The following SLC2A13 variants were observed in gnomAD, a reference collection of about 807,000 sequenced individuals.
The protein encoded by SLC2A13 is solute carrier family 2 member 13.
SLC2A13 carries 32 observed loss-of-function variants against 64.4 expected under a neutral mutation model. That is an observed-to-expected ratio of 0.50 (90% CI 0.37 to 0.67). The LOEUF is 0.67. SLC2A13 is among the 30% of genes least tolerant of loss of function. The pLI is 0.00. For missense variants in SLC2A13, 743 were observed against 829.2 expected (o/e 0.90, Z 1.28); for synonymous variants, 338 against 327.1 (o/e 1.03, Z -0.36).
intron 4 of SLC2A13, among the ~76,000 whole-genome samples, chr12:39,916,085 T>G (rs1275169088): frequency 6.6e-6 from 1 of 151,870 alleles, no homozygotes; most frequent in Admixed American, 6.6e-5. Flanking sequence ...AAAAGCAGAT[T>G]AAAAATTTTA....
rs187021073 is a variant in SLC2A13, at chr12:40,091,723, G to C, written c.556+13530C>G. On this transcript the variant is annotated intron_variant, in intron 1 of 9. Coordinates refer to ENST00000280871, the MANE Select transcript of SLC2A13 (RefSeq NM_052885.4). ...AATATGCAAATTACAGTCCTACAGA[G>C]GTTTTAATTACACATGTGCCAGGAA... 1.6e-4 allele frequency among the ~76,000 whole-genome samples: 24 copies of C among 152,230 alleles called. 1 individual carries two copies. In the East Asian group the frequency reaches 3.5e-3, roughly 22 times the overall value.
intron 3 of SLC2A13, among the ~76,000 whole-genome samples, chr12:39,983,970 A>C (rs1258629858): frequency 6.6e-6 from 1 of 150,732 alleles, no homozygotes; most frequent in East Asian, 2.0e-4. Flanking sequence ...AAAATGTGGC[A>C]CATATACACC....
chr12:39,871,166 T>G (rs1028527068), intron 5 of SLC2A13, among the ~76,000 whole-genome samples: 9 of 152,144 alleles, frequency 5.9e-5, no homozygotes, highest in African/African-American at 2.2e-4. Context: ...ACAGTCCTTG[T>G]GTACAGTGAA....
chr12:39,798,242 C>T (rs1941648786), intron 7 of SLC2A13, among the ~76,000 whole-genome samples: 1 of 152,178 alleles, frequency 6.6e-6, no homozygotes, highest in Non-Finnish European at 1.5e-5. Flanking sequence ...CCCCTTAAGC[C>T]TTCAGAGGAC....
intron 1 of SLC2A13, among the ~76,000 whole-genome samples, chr12:40,067,796 T>C (rs1261737630): frequency 6.6e-6 from 1 of 152,220 alleles, no homozygotes; most frequent in Non-Finnish European, 1.5e-5. Flanking sequence ...AACTTTATAT[T>C]AGTCAAAGAA....
intron 4 of SLC2A13, among the ~76,000 whole-genome samples, chr12:39,882,027 C>G (rs921976883): frequency 6.6e-6 from 1 of 152,164 alleles, no homozygotes; most frequent in African/African-American, 2.4e-5. Context: ...ACAGCCTACT[C>G]TCAAGGCTCA....
intron 4 of SLC2A13, among the ~76,000 whole-genome samples, chr12:39,914,045 T>C (rs1989535678): frequency 6.6e-6 from 1 of 151,898 alleles, no homozygotes; most frequent in African/African-American, 2.4e-5. Context: ...AAAAGGAATC[T>C]AAAAGCATGT....
At chr12:39,893,562 A>G (rs1337406408) in intron 4 of SLC2A13, among the ~76,000 whole-genome samples, 1 of 152,228 alleles carries the variant, frequency 6.6e-6, no homozygotes, top group South Asian at 2.1e-4. Context: ...GGTCTCCCAA[A>G]GTGCTGGAAT....
At chr12:40,042,579 A>C (rs577726906) in intron 2 of SLC2A13, among the ~76,000 whole-genome samples, 1 of 152,290 alleles carries the variant, frequency 6.6e-6, no homozygotes, top group South Asian at 2.1e-4. Context: ...ATAAATTAAT[A>C]CATTGGTATT....
intron 4 of SLC2A13, among the ~76,000 whole-genome samples, chr12:39,924,081 G>A (rs1214394171): frequency 1.3e-5 from 2 of 152,014 alleles, no homozygotes; most frequent in East Asian, 3.8e-4. Flanking sequence ...AAAATGTTAT[G>A]TTAAAATAAT....
At chr12:40,016,194 C>A (rs942240779) in intron 3 of SLC2A13, among the ~76,000 whole-genome samples, 1 of 151,864 alleles carries the variant, frequency 6.6e-6, no homozygotes, top group South Asian at 2.1e-4. Flanking sequence ...ACTACACCAC[C>A]CCCCCAAAAA....
chr12:39,967,034 G>A (rs545701381), intron 3 of SLC2A13, among the ~76,000 whole-genome samples: 1 of 152,122 alleles, frequency 6.6e-6, no homozygotes, highest in Non-Finnish European at 1.5e-5. Flanking sequence ...CATATGGTCA[G>A]TGGCAATCTG....
At chr12:39,767,650 T>C (rs949484164) in intron 7 of SLC2A13, among the ~76,000 whole-genome samples, 3 of 152,068 alleles carry the variant, frequency 2.0e-5, no homozygotes, top group African/African-American at 4.8e-5. Flanking sequence ...TATAGCCACC[T>C]GATATGGTTT....
chr12:40,083,409 A>G (rs1938479531), intron 1 of SLC2A13, among the ~76,000 whole-genome samples: 1 of 152,138 alleles, frequency 6.6e-6, no homozygotes, highest in Non-Finnish European at 1.5e-5. Context: ...CTTGCAGCAT[A>G]CCAGCAAGGG....
At chr12:40,043,889 G>A (rs1948132857) in intron 2 of SLC2A13, among the ~76,000 whole-genome samples, 1 of 152,128 alleles carries the variant, frequency 6.6e-6, no homozygotes, top group Non-Finnish European at 1.5e-5. Context: ...CTCATACGTT[G>A]CTTGTGGGAA....
chr12:39,917,563 C>G (rs1253141937), intron 4 of SLC2A13, among the ~76,000 whole-genome samples: 1 of 152,076 alleles, frequency 6.6e-6, no homozygotes, highest in Non-Finnish European at 1.5e-5. Context: ...AGGGCCTTAA[C>G]AGAACAAAAG....
intron 1 of SLC2A13, among the ~76,000 whole-genome samples, chr12:40,076,408 G>A (rs1337259946): frequency 2.0e-5 from 3 of 152,136 alleles, no homozygotes; most frequent in Non-Finnish European, 4.4e-5. Flanking sequence ...AGAACATGAA[G>A]TATCTGATTT....
intron 4 of SLC2A13, among the ~76,000 whole-genome samples, chr12:39,921,908 A>G (rs1222522248): frequency 1.3e-5 from 2 of 151,606 alleles, no homozygotes; most frequent in Non-Finnish European, 2.9e-5. Context: ...TTGCATATAA[A>G]TCCAACAAAA....
Position 39,969,429 on chromosome 12 carries a change from G to C in SLC2A13, c.926-18064C>G, listed in dbSNP as rs536570366. ...ACGGTCCCACCAACAGTGTAAAAGT[G>C]TTCCTATTTCTCCACATCCTCTCCA... On this transcript the variant is annotated intron_variant, in intron 3 of 9. Transcript: ENST00000280871. Among the ~76,000 whole-genome samples the C allele has an allele frequency of 5.3e-5, 8 of 152,286 alleles. No homozygotes were observed. In the South Asian group the frequency reaches 1.7e-3, roughly 32 times the overall value.
Sources: gnomAD v4.1 joint callset for allele counts (sites outside exome capture counted in the v4.1 genomes callset) on GRCh38, gnomAD v4.1.1 for gene constraint, MANE v1.5 for transcripts, NCBI Gene and HGNC (gene_info 2026-07-23, HGNC 2026-07-21) for gene names.